Variants in MBNL2 observed in about 807,000 individuals in gnomAD.
MBNL2 encodes muscleblind-like protein 2.
A neutral mutation model predicts 41.9 loss-of-function variants in MBNL2; 17 were observed. That is an observed-to-expected ratio of 0.41 (90% CI 0.28 to 0.61). The LOEUF is 0.61. MBNL2 is among the 20% of genes least tolerant of loss of function. The pLI, the probability that MBNL2 is intolerant of heterozygous loss-of-function variation, is 0.35. For missense variants in MBNL2, 336 were observed against 505.6 expected (o/e 0.66, Z 3.22); for synonymous variants, 195 against 182.9 (o/e 1.07, Z -0.53).
At chr13:97,374,421 A>G (rs576362958) in intron 8 of MBNL2, among the ~76,000 whole-genome samples, 2 of 151,330 alleles carry the variant, frequency 1.3e-5, no homozygotes, top group Non-Finnish European at 2.9e-5. Flanking sequence ...TGCTGGGATT[A>G]CAGACGTGAG....
At chr13:97,244,392 T>A (rs1272488563) in intron 1 of MBNL2, among the ~76,000 whole-genome samples, 1 of 152,224 alleles carries the variant, frequency 6.6e-6, no homozygotes, top group East Asian at 1.9e-4. Context: ...TCGTTAACAC[T>A]GCTGAATAGA....
chr13:97,304,278 A>G (rs2057915561), intron 2 of MBNL2, among the ~76,000 whole-genome samples: 1 of 152,200 alleles, frequency 6.6e-6, no homozygotes, highest in Non-Finnish European at 1.5e-5. Context: ...TATTGTATTT[A>G]CCTAAAGTTT....
intron 2 of MBNL2, among the ~76,000 whole-genome samples, chr13:97,332,086 C>T (rs1362503314): frequency 1.3e-5 from 2 of 152,166 alleles, no homozygotes; most frequent in South Asian, 2.1e-4. Context: ...TCATTAATTC[C>T]ATCCTCATTT....
chr13:97,327,560 TAAAA>T (rs71922683), intron 2 of MBNL2, among the ~76,000 whole-genome samples: 16 of 90,744 alleles, frequency 1.8e-4, no homozygotes, highest in Non-Finnish European at 2.6e-4. Context: ...ACGTTATTTG[TAAAA>T]AAAAAAAAAA....
intron 8 of MBNL2, among the ~76,000 whole-genome samples, chr13:97,365,852 A>G (rs2063801895): frequency 6.6e-6 from 1 of 152,176 alleles, no homozygotes; most frequent in Non-Finnish European, 1.5e-5. Context: ...TTGCCTGGCT[A>G]TTTCAGAGTA....
the MBNL2 span, among the ~76,000 whole-genome samples, chr13:97,208,865 A>G: frequency 6.6e-6 from 1 of 152,218 alleles, no homozygotes; most frequent in Non-Finnish European, 1.5e-5. Context: ...GGTAAGTATG[A>G]CCTAAATAAT....
chr13:97,309,486 A>G (rs1027250487), intron 2 of MBNL2, among the ~76,000 whole-genome samples: 1 of 152,230 alleles, frequency 6.6e-6, no homozygotes, highest in Non-Finnish European at 1.5e-5. Context: ...AGAGACAGGA[A>G]GAAGATGGCC....
intron 3 of MBNL2, among the ~76,000 whole-genome samples, chr13:97,341,291 T>G (rs2061419840): frequency 6.6e-6 from 1 of 152,242 alleles, no homozygotes; most frequent in Non-Finnish European, 1.5e-5. Flanking sequence ...CAGGCATTTC[T>G]GACAGAGCTA....
the MBNL2 span, among the ~76,000 whole-genome samples, chr13:97,179,966 A>G: frequency 4.6e-5 from 7 of 152,374 alleles, 1 homozygote; most frequent in South Asian, 1.4e-3. Context: ...TCAATTGCAT[A>G]GAGCATGAAC....
At chr13:97,216,218 T>TAA in the MBNL2 span, among the ~76,000 whole-genome samples, 1 of 151,738 alleles carries the variant, frequency 6.6e-6, no homozygotes. Context: ...ACCAACATGT[T>TAA]AAAAAAAATA....
intron 7 of MBNL2, among the ~76,000 whole-genome samples, chr13:97,362,760 G>GA (rs2063515628): frequency 6.6e-6 from 1 of 152,156 alleles, no homozygotes; most frequent in Non-Finnish European, 1.5e-5. Context: ...AATGGAAGCA[G>GA]GAAGACCACT....
At chr13:97,357,730 G>A in intron 7 of MBNL2, 95 bp downstream of exon 7, 1 of 1,211,368 alleles carries the variant, frequency 8.3e-7, no homozygotes, top group Non-Finnish European at 1.2e-6. Context: ...GTTTGCTTTT[G>A]AAGGTATAAT....
chr13:97,303,035 A>G (rs781234691), intron 2 of MBNL2, among the ~76,000 whole-genome samples: 5 of 152,188 alleles, frequency 3.3e-5, no homozygotes, highest in South Asian at 2.1e-4. Flanking sequence ...ACTGGGCCCT[A>G]TGTGATTTCC....
chr13:97,166,367 A>G, the MBNL2 span, among the ~76,000 whole-genome samples: 3 of 152,326 alleles, frequency 2.0e-5, no homozygotes, highest in Admixed American at 2.0e-4. Flanking sequence ...GATAAGGCAT[A>G]AGGTAGCCAC....
In MBNL2 at chr13:97,268,009, C is replaced by T. The variant is rs576145178; in HGVS notation, c.-604-7623C>T. Among the ~76,000 whole-genome samples, 6 of 152,204 alleles carry T rather than the reference C, an allele frequency of 3.9e-5. No homozygotes were observed. Among genetic ancestry groups the T allele is most frequent in the African/African-American group, 1.4e-4 (6 of 41,458 alleles). On this transcript the variant is annotated intron_variant, in intron 1 of 8. Transcript: ENST00000679496. The surrounding 1 kb of genome is among the most constrained non-coding windows in gnomAD (Gnocchi z 4.6). ...TGTTAAAACACAGATTGCTCGTCCTCGTTGTCAGGGTATCTGATCCAGGAC... is the reference window on the plus strand; with the variant it reads ...TGTTAAAACACAGATTGCTCGTCCTTGTTGTCAGGGTATCTGATCCAGGAC...
the MBNL2 span, among the ~76,000 whole-genome samples, chr13:97,160,271 A>G: frequency 1.3e-5 from 2 of 152,178 alleles, no homozygotes; most frequent in African/African-American, 4.8e-5. Flanking sequence ...TCCAAACTGC[A>G]TTTTGCTCAC....
At chr13:97,188,792 A>G in the MBNL2 span, among the ~76,000 whole-genome samples, 2 of 152,236 alleles carry the variant, frequency 1.3e-5, no homozygotes, top group South Asian at 4.2e-4. Flanking sequence ...ATTCCTATCA[A>G]TCTGTCTCCT....
chr13:97,352,664 A>G (rs1343357265), intron 5 of MBNL2, among the ~76,000 whole-genome samples: 1 of 152,258 alleles, frequency 6.6e-6, no homozygotes, highest in African/African-American at 2.4e-5. Flanking sequence ...AAGTTAGCAC[A>G]TGCTGTTGGA....
chr13:97,241,465 T>C lies in MBNL2; in HGVS notation c.-605+18934T>C, dbSNP rs150325365. On this transcript the variant is annotated intron_variant, in intron 1 of 8. Coordinates refer to ENST00000679496, the MANE Select transcript of MBNL2 (RefSeq NM_001382683.1). ...TGAAATCTAAGTCTCCGTTTCAGCTTTCAGTTGAGAAAGGTTTTCAATATT... is the reference window on the plus strand; with the variant it reads ...TGAAATCTAAGTCTCCGTTTCAGCTCTCAGTTGAGAAAGGTTTTCAATATT... 1.1e-3 allele frequency among the ~76,000 whole-genome samples: 164 copies of C among 152,330 alleles called. 2 individuals are homozygous for C. The East Asian group carries it at 0.028, about 26-fold the overall frequency.
Sources: gnomAD v4.1 joint callset for allele counts (sites outside exome capture counted in the v4.1 genomes callset) on GRCh38, gnomAD v4.1.1 for gene constraint, Gnocchi (gnomAD v3.1) non-coding constraint, MANE v1.5 for transcripts, NCBI Gene and HGNC (gene_info 2026-07-23, HGNC 2026-07-21) for gene names.